The following AKAP6 variants were observed in gnomAD, a reference collection of about 807,000 sequenced individuals.
The protein encoded by AKAP6 is A-kinase anchor protein 6.
A neutral mutation model predicts 188.5 loss-of-function variants in AKAP6; 58 were observed. The observed-to-expected ratio is 0.31, with a 90% CI of 0.25 to 0.38. The LOEUF (loss-of-function observed/expected upper bound fraction) is 0.38, where lower values mean the gene tolerates loss of function less well. AKAP6 is among the 10% of genes least tolerant of loss of function. AKAP6 has a pLI of 1.00. For synonymous variants in AKAP6, 989 were observed against 998.6 expected, an observed-to-expected ratio of 0.99 and a Z score of 0.18; for missense variants, 2,710 against 2,740.0, an observed-to-expected ratio of 0.99 and a Z score of 0.24.
At position 32,663,027 on chromosome 14, in the gene AKAP6, C is replaced by T. The variant is rs562790571; in HGVS notation, c.2731-15284C>T. On this transcript the variant is annotated intron_variant, in intron 7 of 13. Transcript: ENST00000280979. ...TTAGTGTAATTGTCACCCTCAATGG[C>T]GGCATGTTTTTTTCTCTTTTCAGTA... Among the ~76,000 whole-genome samples, 21 of 152,128 alleles carry T rather than the reference C, an allele frequency of 1.4e-4. No homozygotes were observed. In the East Asian group the frequency reaches 2.1e-3, roughly 15 times the overall value.
chr14:32,600,532 A>G (rs914236366), intron 6 of AKAP6, 97 bp from the exon 7 acceptor site: 5 of 1,269,898 alleles, frequency 3.9e-6, no homozygotes, highest in African/African-American at 3.0e-5. Flanking sequence ...AAAAATATTT[A>G]TATTGTTTAA....
At chr14:32,453,642 G>A (rs1291011814) in intron 2 of AKAP6, among the ~76,000 whole-genome samples, 1 of 127,186 alleles carries the variant, frequency 7.9e-6, no homozygotes, top group Non-Finnish European at 1.6e-5. Flanking sequence ...TGTCGCCCAG[G>A]CGGGAGTGCA....
chr14:32,636,671 A>G (rs1172372930), intron 7 of AKAP6, among the ~76,000 whole-genome samples: 1 of 152,098 alleles, frequency 6.6e-6, no homozygotes, highest in Non-Finnish European at 1.5e-5. Context: ...TTAAAGAATG[A>G]ATAAAAATTA....
intron 9 of AKAP6, among the ~76,000 whole-genome samples, chr14:32,725,001 A>C (rs2030777820): frequency 1.3e-5 from 2 of 148,620 alleles, no homozygotes; most frequent in Admixed American, 6.7e-5. Context: ...AAAAAAAAAA[A>C]AAAAAAAAAA....
intron 7 of AKAP6, among the ~76,000 whole-genome samples, chr14:32,608,867 G>T (rs988889331): frequency 1.3e-5 from 2 of 152,176 alleles, no homozygotes; most frequent in Admixed American, 1.3e-4. Context: ...GTGCTAGGTA[G>T]TGGAGGTCAA....
intron 5 of AKAP6, among the ~76,000 whole-genome samples, chr14:32,589,556 A>G (rs936562023): frequency 6.6e-6 from 1 of 152,146 alleles, no homozygotes; most frequent in African/African-American, 2.4e-5. Context: ...TAGAAGACAA[A>G]TAGTGTTAGC....
At chr14:32,567,069 A>C (rs575332177) in intron 4 of AKAP6, among the ~76,000 whole-genome samples, 76 of 152,160 alleles carry the variant, frequency 5.0e-4, no homozygotes, top group African/African-American at 1.8e-3. Context: ...CTACAGGTGC[A>C]CACCACCCTG....
intron 7 of AKAP6, among the ~76,000 whole-genome samples, chr14:32,650,258 G>A (rs776108978): frequency 1.3e-5 from 2 of 152,130 alleles, no homozygotes; most frequent in Non-Finnish European, 2.9e-5. Context: ...CATGCAAGAA[G>A]CCCAACATAA....
At chr14:32,365,108 C>T (rs1332788418) in intron 1 of AKAP6, among the ~76,000 whole-genome samples, 1 of 152,164 alleles carries the variant, frequency 6.6e-6, no homozygotes, top group Non-Finnish European at 1.5e-5. Flanking sequence ...CACTGTTCAA[C>T]AGATGCTACA....
intron 1 of AKAP6, among the ~76,000 whole-genome samples, chr14:32,338,675 T>C (rs1041639560): frequency 6.6e-6 from 1 of 152,150 alleles, no homozygotes; most frequent in Non-Finnish European, 1.5e-5. Flanking sequence ...GCCAGGTATA[T>C]TTACCTTTGA....
At chr14:32,419,875 T>G (rs1889782258) in intron 1 of AKAP6, among the ~76,000 whole-genome samples, 1 of 151,602 alleles carries the variant, frequency 6.6e-6, no homozygotes, top group African/African-American at 2.4e-5. Flanking sequence ...CTTATGACAT[T>G]CTCTACAAAA....
intron 1 of AKAP6, among the ~76,000 whole-genome samples, chr14:32,415,899 G>A (rs1048654557): frequency 8.6e-5 from 13 of 152,042 alleles, no homozygotes; most frequent in Admixed American, 2.6e-4. Context: ...ATATTCTGTC[G>A]TATGTATATA....
intron 7 of AKAP6, among the ~76,000 whole-genome samples, chr14:32,629,240 T>C (rs1027189688): frequency 6.6e-6 from 1 of 152,026 alleles, no homozygotes; most frequent in African/African-American, 2.4e-5. Flanking sequence ...ACAGCAAAGA[T>C]ATTTGCTAGA....
intron 13 of AKAP6, among the ~76,000 whole-genome samples, chr14:32,826,308 A>G (rs1023233370): frequency 2.0e-5 from 3 of 152,208 alleles, no homozygotes; most frequent in Non-Finnish European, 4.4e-5. Context: ...GTGAGAACAA[A>G]AGTAGGAGAG....
intron 9 of AKAP6, among the ~76,000 whole-genome samples, chr14:32,729,924 A>G (rs1339363268): frequency 2.0e-5 from 3 of 152,172 alleles, no homozygotes; most frequent in Non-Finnish European, 4.4e-5. Flanking sequence ...TATGAAGATT[A>G]AATTATCTTC....
intron 2 of AKAP6, among the ~76,000 whole-genome samples, chr14:32,476,211 C>T (rs576988081): frequency 6.6e-6 from 1 of 152,252 alleles, no homozygotes; most frequent in East Asian, 1.9e-4. Flanking sequence ...CTATTCTTGG[C>T]ATAGCAGTAA....
At chr14:32,440,964 C>T (rs1283037653) in intron 2 of AKAP6, among the ~76,000 whole-genome samples, 1 of 152,064 alleles carries the variant, frequency 6.6e-6, no homozygotes, top group Non-Finnish European at 1.5e-5. Context: ...AATAAGGGCT[C>T]TACCCTCATG....
At chr14:32,357,598 A>G (rs2138473532) in intron 1 of AKAP6, among the ~76,000 whole-genome samples, 1 of 152,374 alleles carries the variant, frequency 6.6e-6, no homozygotes, top group African/African-American at 2.4e-5. Flanking sequence ...GAATTACTGA[A>G]CAGAAGACAA....
chr14:32,692,232 T>C lies in AKAP6; in HGVS notation c.2880-3758T>C, dbSNP rs181052952. Reference sequence around the variant, plus strand: ...TTTGAGAAAAAGTCTTAAGTGACTTTTGTTCGAAGGCCCATGATAAGGAGA... The same window carrying C: ...TTTGAGAAAAAGTCTTAAGTGACTTCTGTTCGAAGGCCCATGATAAGGAGA... On this transcript the variant is annotated intron_variant, in intron 8 of 13. Transcript: ENST00000280979. Among the ~76,000 whole-genome samples, 165 of 152,324 alleles carry C rather than the reference T, an allele frequency of 1.1e-3. 1 individual carries two copies. The highest frequency in any genetic ancestry group is 3.6e-3 in the African/African-American group (148 of 41,576).
Sources: gnomAD v4.1 joint callset for allele counts (sites outside exome capture counted in the v4.1 genomes callset) on GRCh38, gnomAD v4.1.1 for gene constraint, MANE v1.5 for transcripts, NCBI Gene and HGNC (gene_info 2026-07-23, HGNC 2026-07-21) for gene names.